The following PCNT variants were observed in gnomAD, a reference collection of about 807,000 sequenced individuals.
PCNT encodes pericentrin.
A neutral mutation model predicts 380.4 loss-of-function variants in PCNT; 319 were observed. The ratio of observed to expected loss-of-function variants is 0.84; its 90% confidence interval spans 0.77 to 0.92. The LOEUF (loss-of-function observed/expected upper bound fraction) is 0.92, where lower values mean the gene tolerates loss of function less well. Among genes scored for constraint, PCNT ranks in the 40% least tolerant of loss-of-function variants. The probability of loss-of-function intolerance (pLI) is 0.00; values close to 1 mark genes in which losing one functional copy is unlikely to be tolerated. For missense variants in PCNT, 4,400 were observed against 4,255.3 expected, an observed-to-expected ratio of 1.03 and a Z score of -0.95; for synonymous variants, 1,845 against 1,735.2, an observed-to-expected ratio of 1.06 and a Z score of -1.57.
At position 46,349,712 on chromosome 21, in the gene PCNT, T is replaced by A; in HGVS notation, c.1236T>A (p.His412Gln). Residue 412 changes from histidine to glutamine, a missense_variant, in exon 8 of 47, where the codon CAT becomes CAA. Coordinates refer to ENST00000359568, the MANE Select transcript of PCNT (RefSeq NM_006031.6). Reference sequence around the variant, plus strand: ...CCCTTAGGAACCTGGAGAGTCATCATCAAGCAGCCATTGAGAAGTTACGTG... The same window carrying A: ...CCCTTAGGAACCTGGAGAGTCATCAACAAGCAGCCATTGAGAAGTTACGTG... ...ERALRNLESH[H>Q]QAAIEKLRED... is the part of the protein sequence containing the mutation. 6.2e-7 allele frequency: 1 copy of A among 1,614,010 alleles called. No individual in the cohort carries two copies. Among genetic ancestry groups the A allele is most frequent in the Non-Finnish European group, 8.5e-7 (1 of 1,179,922 alleles).
chr21:46,426,070 T>TTTTTTTTC (rs2087485906), intron 33 of PCNT, 99 bp downstream of exon 33: 7 of 420,496 alleles, frequency 1.7e-5, no homozygotes, highest in Non-Finnish European at 1.9e-5. Context: ...GATTTCTTTC[T>TTTTTTTTC]TTTTTTTTTT....
intron 1 of PCNT, among the ~76,000 whole-genome samples, 199 bp downstream of exon 1, chr21:46,324,481 C>T (rs1255545539): frequency 6.6e-6 from 1 of 151,446 alleles, no homozygotes; most frequent in East Asian, 1.9e-4. Context: ...CGCCAGGTCC[C>T]GCCCCCGCCG....
intron 2 of PCNT, 92 bp from the exon 3 acceptor site, chr21:46,334,305 C>T (rs2083658655): frequency 6.3e-7 from 1 of 1,576,576 alleles, no homozygotes; most frequent in Non-Finnish European, 8.7e-7. Flanking sequence ...ATGAAGTCAG[C>T]ACAGGCCTGC....
chr21:46,401,405 C>T, intron 25 of PCNT, 146 bp from the exon 26 acceptor site: 1 of 700,102 alleles, frequency 1.4e-6, no homozygotes, highest in Admixed American at 2.1e-5. Context: ...CCAGTGTTGC[C>T]TGGTGTGTCA....
At position 46,411,290 on chromosome 21, in the gene PCNT, T is replaced by G. The variant is rs578035244; in HGVS notation, c.5217T>G (p.Ile1739Met). ...TACAAAAGGAGAAAGCAGAGGAAAT[T>G]GAACAACTCCATGAAGTCATTGAGA... ...KRLQKEKAEEIEQLHEVIEKL... is the reference protein window; with the variant it reads ...KRLQKEKAEEMEQLHEVIEKL... The change falls in exon 28 of 47, where the codon ATT becomes ATG. Residue 1739 changes from isoleucine (I) to methionine (M), a missense_variant. Transcript: ENST00000359568. 1.9e-6 allele frequency: 3 copies of G among 1,614,136 alleles called. No individual in the cohort carries two copies. The highest frequency in any genetic ancestry group is 2.5e-6 in the Non-Finnish European group (3 of 1,180,016).
At chr21:46,380,572 A>G (rs969248888) in intron 15 of PCNT, among the ~76,000 whole-genome samples, 1 of 151,838 alleles carries the variant, frequency 6.6e-6, no homozygotes, top group East Asian at 1.9e-4. Flanking sequence ...CTCCAAATCC[A>G]TTCTGTCCCC....
At chr21:46,383,846 C>A (rs1393110633) in intron 16 of PCNT, among the ~76,000 whole-genome samples, 6 of 123,742 alleles carry the variant, frequency 4.8e-5, no homozygotes, top group South Asian at 2.9e-4. Context: ...GCGCATTCAC[C>A]ATGTTGTATA....
intron 43 of PCNT, 114 bp downstream of exon 43, chr21:46,441,198 TA>T: frequency 1.4e-6 from 1 of 735,294 alleles, no homozygotes; most frequent in Non-Finnish European, 2.5e-6. Context: ...ATGTTCTTTT[TA>T]AAGATGAATG....
At position 46,442,562 on chromosome 21, in the gene PCNT, C is replaced by A; in HGVS notation, c.9689C>A (p.Ala3230Asp). Reference sequence around the variant, plus strand: ...AAAGGAGCTCTGGCACAAGGCAAAGCCCCTCGCCCAGGTGGGACTCCAGCT... The same window carrying A: ...AAAGGAGCTCTGGCACAAGGCAAAGACCCTCGCCCAGGTGGGACTCCAGCT... ...DRKGALAQGK[A>D]PRPGPRARQP... is the part of the protein sequence containing the mutation. The change falls in exon 44 of 47, where the codon GCC becomes GAC. Residue 3230 changes from alanine to aspartate, a missense_variant. By Grantham distance (126) the Ala-to-Asp change is moderately radical. Coordinates refer to ENST00000359568, the MANE Select transcript of PCNT (RefSeq NM_006031.6). 6.2e-7 allele frequency: 1 copy of A among 1,608,152 alleles called. No individual in the cohort carries two copies. Among genetic ancestry groups the A allele is most frequent in the South Asian group, 1.1e-5 (1 of 90,972 alleles).
chr21:46,351,649 G>A (rs140754254), intron 9 of PCNT, 109 bp downstream of exon 9: 3 of 769,226 alleles, frequency 3.9e-6, no homozygotes, highest in African/African-American at 3.4e-5. Flanking sequence ...ACAAAAAAGT[G>A]GATTTACCTG....
At chr21:46,364,060 G>C (rs1320477052) in intron 14 of PCNT, 126 bp downstream of exon 14, 1 of 833,266 alleles carries the variant, frequency 1.2e-6, no homozygotes, top group East Asian at 2.6e-5. Flanking sequence ...GAGGGAGCTG[G>C]AACAAGGTGT....
At chr21:46,441,452 C>T (rs749832487) in intron 43 of PCNT, among the ~76,000 whole-genome samples, 7 of 152,218 alleles carry the variant, frequency 4.6e-5, no homozygotes, top group Non-Finnish European at 7.3e-5. Flanking sequence ...CAAGGCCACG[C>T]GCGGGCCTGT....
intron 15 of PCNT, among the ~76,000 whole-genome samples, chr21:46,381,191 AATC>A (rs1235540344): frequency 1.0e-5 from 1 of 97,868 alleles, no homozygotes; most frequent in African/African-American, 6.3e-5. Context: ...AAAAAAAAAA[AATC>A]TCTGTGTGTG....
chr21:46,440,806 G>A, intron 42 of PCNT, 49 bp from the exon 43 acceptor site: 1 of 1,126,910 alleles, frequency 8.9e-7, no homozygotes, highest in Non-Finnish European at 1.4e-6. Flanking sequence ...TTGTCAGCAA[G>A]ACAGTCTTTG....
intron 3 of PCNT, among the ~76,000 whole-genome samples, chr21:46,343,246 A>G (rs1228875845): frequency 1.3e-5 from 2 of 152,148 alleles, no homozygotes; most frequent in Non-Finnish European, 2.9e-5. Context: ...AATGCCTTCA[A>G]CTTCTCCCTT....
intron 14 of PCNT, among the ~76,000 whole-genome samples, chr21:46,365,517 A>ATGGGGTTCTGATCACTGCCG (rs2084884535): frequency 3.3e-5 from 2 of 60,186 alleles, no homozygotes; most frequent in Non-Finnish European, 6.6e-5. Flanking sequence ...GATCACTGCC[A>ATGGGGTTCTGATCACTGCCG]TGGGGTTCTA....
intron 38 of PCNT, among the ~76,000 whole-genome samples, chr21:46,435,700 G>T (rs969869982): frequency 1.7e-4 from 26 of 151,880 alleles, no homozygotes; most frequent in African/African-American, 6.3e-4. Context: ...CCGCCACCAC[G>T]CCCGGCTAAT....
chr21:46,439,026 T>C (rs2053538574), intron 41 of PCNT, among the ~76,000 whole-genome samples: 1 of 152,092 alleles, frequency 6.6e-6, no homozygotes, highest in African/African-American at 2.4e-5. Context: ...TTCCGGAATG[T>C]CTCATTTTTT....
intron 3 of PCNT, among the ~76,000 whole-genome samples, chr21:46,338,591 A>G (rs1315814365): frequency 1.4e-5 from 2 of 146,532 alleles, no homozygotes; most frequent in East Asian, 2.0e-4. Flanking sequence ...GTGAATATGA[A>G]TAATGAATGT....
Sources: gnomAD v4.1 joint callset for allele counts (sites outside exome capture counted in the v4.1 genomes callset) on GRCh38, gnomAD v4.1.1 for gene constraint, MANE v1.5 for transcripts, NCBI Gene and HGNC (gene_info 2026-07-23, HGNC 2026-07-21) for gene names.